Variants in PTPRD observed in about 807,000 individuals in gnomAD.
The protein encoded by PTPRD is protein tyrosine phosphatase receptor type D, also known as receptor-type tyrosine-protein phosphatase delta.
In PTPRD, 34 loss-of-function variants were observed where a neutral mutation model predicts 214.5. The observed-to-expected ratio is 0.16, with a 90% CI of 0.12 to 0.21. PTPRD has a LOEUF of 0.21. PTPRD is among the 10% of genes least tolerant of loss of function. The probability of loss-of-function intolerance (pLI) is 1.00; values close to 1 mark genes in which losing one functional copy is unlikely to be tolerated. For missense variants in PTPRD, 2,545 were observed against 2,398.7 expected, an observed-to-expected ratio of 1.06 and a Z score of -1.27; for synonymous variants, 1,128 against 845.7, an observed-to-expected ratio of 1.33 and a Z score of -5.79.
At chr9:8,797,702 A>C (rs967947297) in intron 11 of PTPRD, among the ~76,000 whole-genome samples, 14 of 152,284 alleles carry the variant, frequency 9.2e-5, no homozygotes, top group African/African-American at 3.1e-4. Context: ...GCAAAAGCTG[A>C]ACCATTTATC....
At chr9:9,395,584 A>G (rs998153172) in intron 9 of PTPRD, among the ~76,000 whole-genome samples, 7 of 152,028 alleles carry the variant, frequency 4.6e-5, no homozygotes, top group Non-Finnish European at 8.8e-5. Flanking sequence ...TATTCTTCAG[A>G]TTTCCTTGTA....
intron 5 of PTPRD, among the ~76,000 whole-genome samples, chr9:9,773,081 G>A (rs2098766453): frequency 6.6e-6 from 1 of 152,102 alleles, no homozygotes; most frequent in South Asian, 2.1e-4. Flanking sequence ...ATAACTTACT[G>A]TCATATGAAT....
chr9:10,487,314 G>C (rs1244791179), intron 2 of PTPRD, among the ~76,000 whole-genome samples: 1 of 152,108 alleles, frequency 6.6e-6, no homozygotes, highest in East Asian at 1.9e-4. Context: ...TGATAAGGAA[G>C]GACTTACTCC....
At chr9:10,313,419 A>C (rs544167216) in intron 3 of PTPRD, among the ~76,000 whole-genome samples, 18 of 91,906 alleles carry the variant, frequency 2.0e-4, no homozygotes, top group African/African-American at 7.8e-4. Flanking sequence ...CACACACACA[A>C]ATTTTTAAAA....
chr9:9,194,481 G>A (rs1301433679), intron 9 of PTPRD, among the ~76,000 whole-genome samples: 2 of 152,098 alleles, frequency 1.3e-5, no homozygotes, highest in African/African-American at 4.8e-5. Context: ...TATGAATAAT[G>A]TGTTGTGCTA....
chr9:9,773,106 A>G (rs913122290), intron 5 of PTPRD, among the ~76,000 whole-genome samples: 5 of 152,156 alleles, frequency 3.3e-5, no homozygotes, highest in Non-Finnish European at 5.9e-5. Context: ...AGTGAATTTT[A>G]TGGTTTTAGA....
chr9:9,821,035 G>T (rs2050527811), intron 5 of PTPRD, among the ~76,000 whole-genome samples: 1 of 152,024 alleles, frequency 6.6e-6, no homozygotes, highest in South Asian at 2.1e-4. Flanking sequence ...AGTTTGATAG[G>T]AATAGCACTG....
rs568503870 is a variant in PTPRD at position 8,780,635 on chromosome 9, T to C, written c.-103-46689A>G. Among the ~76,000 whole-genome samples, 4 of 152,324 alleles carry C rather than the reference T, an allele frequency of 2.6e-5. No homozygotes were observed. The East Asian group carries it at 5.8e-4, about 22-fold the overall frequency. ...ACCCCAGAGCCAGGCTCTCAGTGTG[T>C]GTCAGTCAGTAGAATGAAAAACTAG... On this transcript the variant is annotated intron_variant, in intron 11 of 45. Transcript: ENST00000381196.
intron 4 of PTPRD, among the ~76,000 whole-genome samples, chr9:9,958,825 C>G (rs2094146028): frequency 6.6e-6 from 1 of 152,134 alleles, no homozygotes; most frequent in South Asian, 2.1e-4. Context: ...CTATTAGACA[C>G]TACTATACCT....
intron 6 of PTPRD, among the ~76,000 whole-genome samples, chr9:9,738,989 G>A (rs1048847925): frequency 1.3e-5 from 2 of 152,026 alleles, no homozygotes; most frequent in Admixed American, 6.6e-5. Flanking sequence ...ATATAGAAAT[G>A]CATTTGATTT....
At chr9:10,093,422 G>T (rs2098452120) in intron 3 of PTPRD, among the ~76,000 whole-genome samples, 1 of 151,300 alleles carries the variant, frequency 6.6e-6, no homozygotes, top group South Asian at 2.1e-4. Context: ...AGTCAGAATG[G>T]CGATTCCTAA....
At chr9:8,397,117 T>C (rs2091378244) in intron 36 of PTPRD, among the ~76,000 whole-genome samples, 1 of 152,044 alleles carries the variant, frequency 6.6e-6, no homozygotes, top group South Asian at 2.1e-4. Context: ...GGATTTATTG[T>C]TTTTAAATGA....
chr9:9,670,293 G>C (rs1335441532), intron 7 of PTPRD, among the ~76,000 whole-genome samples: 1 of 152,138 alleles, frequency 6.6e-6, no homozygotes, highest in Non-Finnish European at 1.5e-5. Context: ...GTATCTGGCA[G>C]AAGTAATTTC....
At chr9:9,566,058 T>C (rs998020119) in intron 8 of PTPRD, among the ~76,000 whole-genome samples, 1 of 151,998 alleles carries the variant, frequency 6.6e-6, no homozygotes, top group Non-Finnish European at 1.5e-5. Flanking sequence ...AATTCTATGC[T>C]GTTAGGGCTT....
intron 6 of PTPRD, among the ~76,000 whole-genome samples, chr9:9,765,481 C>A (rs1455078255): frequency 1.3e-5 from 2 of 152,082 alleles, no homozygotes; most frequent in Non-Finnish European, 2.9e-5. Context: ...AAATAAAGAA[C>A]AGTGACTCAT....
intron 9 of PTPRD, among the ~76,000 whole-genome samples, chr9:9,334,383 T>G (rs1048665190): frequency 2.6e-5 from 4 of 151,992 alleles, no homozygotes; most frequent in Non-Finnish European, 5.9e-5. Context: ...ATCAGGTCAG[T>G]ATTCTAAAAG....
chr9:10,517,605 G>A (rs567495387), intron 2 of PTPRD, among the ~76,000 whole-genome samples: 2 of 151,854 alleles, frequency 1.3e-5, no homozygotes, highest in Non-Finnish European at 2.9e-5. Context: ...AATATTATGT[G>A]TAGTATATAT....
At chr9:8,916,127 A>C (rs1422122211) in intron 11 of PTPRD, among the ~76,000 whole-genome samples, 1 of 152,132 alleles carries the variant, frequency 6.6e-6, no homozygotes, top group Non-Finnish European at 1.5e-5. Context: ...AGTGACATCT[A>C]AGTGGAATTA....
intron 9 of PTPRD, among the ~76,000 whole-genome samples, chr9:9,305,283 C>G (rs1228327170): frequency 1.3e-5 from 2 of 151,808 alleles, no homozygotes; most frequent in Admixed American, 6.6e-5. Flanking sequence ...TAACAGTAAT[C>G]TTGGTAGGTT....
Sources: gnomAD v4.1 joint callset for allele counts (sites outside exome capture counted in the v4.1 genomes callset) on GRCh38, gnomAD v4.1.1 for gene constraint, MANE v1.5 for transcripts, NCBI Gene and HGNC (gene_info 2026-07-23, HGNC 2026-07-21) for gene names.